SLC61A1: variants seen among roughly 807,000 people sequenced by gnomAD.
SLC61A1 encodes major facilitator superfamily domain containing 5.
chr12:53,251,962 C>G, the SLC61A1 span: 3 of 1,535,780 alleles, frequency 2.0e-6, no homozygotes, highest in Non-Finnish European at 2.6e-6. Context: ...GAGGCCAGGC[C>G]AGGAGAAGCA....
At chr12:53,252,675 C>T in the SLC61A1 span, 2 of 1,221,712 alleles carry the variant, frequency 1.6e-6, no homozygotes, top group Non-Finnish European at 2.2e-6. Context: ...TCCTCCCACC[C>T]ACCCAACTGG....
the SLC61A1 span, chr12:53,252,161 C>T: frequency 2.8e-6 from 4 of 1,432,546 alleles, no homozygotes; most frequent in Non-Finnish European, 3.6e-6. Context: ...CTGTGAGGGG[C>T]GGGAGCGCTG....
chr12:53,253,657 G>A, the SLC61A1 span: 1 of 1,614,050 alleles, frequency 6.2e-7, no homozygotes, highest in Non-Finnish European at 8.5e-7. Context: ...CACCTGTGCT[G>A]GACCCACACG....
At chr12:53,253,459 C>A in the SLC61A1 span, 1 of 1,614,082 alleles carries the variant, frequency 6.2e-7, no homozygotes, top group South Asian at 1.1e-5. Context: ...TGGCTGCCAT[C>A]CCTCTCCTGG....
chr12:53,252,247 T>C, the SLC61A1 span: 1 of 1,403,570 alleles, frequency 7.1e-7, no homozygotes, highest in Non-Finnish European at 9.2e-7. Context: ...GTCCGGGGCG[T>C]CCCCGCAGAC....
the SLC61A1 span, chr12:53,254,318 AC>A: frequency 8.6e-7 from 1 of 1,159,780 alleles, no homozygotes; most frequent in Non-Finnish European, 1.2e-6. Context: ...GTTTGGGAGG[AC>A]ATGATGGGGG....
At chr12:53,253,407 C>T in the SLC61A1 span, 1 of 1,614,080 alleles carries the variant, frequency 6.2e-7, no homozygotes, top group Non-Finnish European at 8.5e-7. Context: ...GCAGCTGAGG[C>T]TGTAGCCAGC....
At chr12:53,252,380 C>G in the SLC61A1 span, 14 of 1,318,092 alleles carry the variant, frequency 1.1e-5, no homozygotes, top group Non-Finnish European at 1.2e-5. Context: ...GATGCACACG[C>G]ATGACCCTGA....
At chr12:53,252,341 G>A in the SLC61A1 span, 54 of 1,351,442 alleles carry the variant, frequency 4.0e-5, no homozygotes, top group Admixed American at 7.4e-5. Context: ...GCAGTGGGGT[G>A]CCAGTGACCT....
chr12:53,252,479 G>A, the SLC61A1 span: 18 of 1,305,540 alleles, frequency 1.4e-5, no homozygotes, highest in South Asian at 2.0e-5. Context: ...CAGCGAGGAC[G>A]GGAGGTAATA....
chr12:53,251,915 G>A, the SLC61A1 span: 36 of 1,537,172 alleles, frequency 2.3e-5, no homozygotes, highest in Admixed American at 7.1e-4. Flanking sequence ...AGGCATCCAA[G>A]AGCCAGAGGA....
At chr12:53,253,336 C>T in the SLC61A1 span, 4 of 1,614,150 alleles carry the variant, frequency 2.5e-6, no homozygotes, top group Non-Finnish European at 2.5e-6. Flanking sequence ...CTGAGTGGAT[C>T]CCAGCTACCT....
chr12:53,252,030 G>T, the SLC61A1 span: 1 of 998,748 alleles, frequency 1.0e-6, no homozygotes, highest in East Asian at 7.7e-5. Context: ...GGAGTTCCGC[G>T]CCCGGGTAAG....
the SLC61A1 span, chr12:53,252,054 G>C: frequency 6.8e-7 from 1 of 1,468,420 alleles, no homozygotes; most frequent in Non-Finnish European, 9.0e-7. Context: ...AGGAGGGCGG[G>C]CGGGCGGGGC....
the SLC61A1 span, chr12:53,252,499 G>A: frequency 7.5e-7 from 1 of 1,341,958 alleles, no homozygotes; most frequent in Non-Finnish European, 9.5e-7. Flanking sequence ...AGAAGGAAGT[G>A]TACGGGAGCT....
chr12:53,253,805 TTC>T, the SLC61A1 span: 1 of 1,614,208 alleles, frequency 6.2e-7, no homozygotes, highest in Non-Finnish European at 8.5e-7. Context: ...CATCGTCGTC[TTC>T]TCTCTCTTCA....
the SLC61A1 span, chr12:53,253,600 A>G: frequency 6.2e-7 from 1 of 1,613,856 alleles, no homozygotes; most frequent in South Asian, 1.1e-5. Flanking sequence ...TGGGCACCAT[A>G]CAAGCTCTAT....
chr12:53,252,683 T>A, the SLC61A1 span: 40 of 1,178,922 alleles, frequency 3.4e-5, no homozygotes, highest in Non-Finnish European at 3.6e-5. Context: ...CCCACCCAAC[T>A]GGTCCCTCCG....
the SLC61A1 span, chr12:53,251,858 C>T: frequency 2.0e-6 from 3 of 1,537,322 alleles, no homozygotes; most frequent in Admixed American, 3.9e-5. Context: ...TTCCCGAGCA[C>T]TGCACGGAAG....
Sources: gnomAD v4.1 joint callset for allele counts on GRCh38, gnomAD v4.1.1 for gene constraint, MANE v1.5 for transcripts, NCBI Gene and HGNC (gene_info 2026-07-23, HGNC 2026-07-21) for gene names.